NANOG: variants seen among roughly 807,000 people sequenced by gnomAD.
NANOG encodes the protein Nanog homeobox.
NANOG carries 2 observed loss-of-function variants against 17.7 expected under a neutral mutation model. That is an observed-to-expected ratio of 0.11 (90% CI 0.05 to 0.36). The LOEUF (loss-of-function observed/expected upper bound fraction) is 0.36. NANOG is among the 10% of genes least tolerant of loss of function. The pLI, the probability that NANOG is intolerant of heterozygous loss-of-function variation, is 1.00. For missense variants in NANOG, 174 were observed against 362.1 expected (o/e 0.48, Z 4.22); for synonymous variants, 81 against 124.7 (o/e 0.65, Z 2.33).
Position 7,793,149 on chromosome 12 carries a change from G to A in NANOG, c.351G>A (p.Gln117=). The A allele has an allele frequency of 6.2e-7, 1 of 1,612,332 alleles. No homozygotes were observed. The highest frequency in any genetic ancestry group is 8.5e-7 in the Non-Finnish European group (1 of 1,178,640). The part of the protein sequence containing the change: ...LCVLNDRFQR[Q]KYLSLQQMQE... Reference sequence around the variant, plus strand: ...TACTCAATGATAGATTTCAGAGACAGAAATACCTCAGCCTCCAGCAGATGC... The same window carrying A: ...TACTCAATGATAGATTTCAGAGACAAAAATACCTCAGCCTCCAGCAGATGC... The change falls in exon 2 of 4, where the codon CAG becomes CAA. Residue 117 remains glutamine, a synonymous_variant. Transcript: ENST00000229307.
chr12:7,789,889 T>G, intron 1 of NANOG, 124 bp downstream of exon 1: 1 of 1,030,708 alleles, frequency 9.7e-7, no homozygotes, highest in Non-Finnish European at 1.4e-6. Flanking sequence ...AGTGTTATTA[T>G]CAACTAATCC....
chr12:7,790,098 C>T lies in NANOG; in HGVS notation c.151+333C>T, dbSNP rs1334057773. ...AGTTAAATGAAGGTGATGTGTACATCTTCACATAGTGCTGGACACATGTGA... is the reference window on the plus strand; with the variant it reads ...AGTTAAATGAAGGTGATGTGTACATTTTCACATAGTGCTGGACACATGTGA... On this transcript the variant is annotated intron_variant, in intron 1 of 3. Transcript: ENST00000229307. Among the ~76,000 whole-genome samples the T allele has an allele frequency of 4.2e-5, 5 of 120,408 alleles. No homozygotes were observed. In the South Asian group the frequency reaches 1.6e-3, roughly 38 times the overall value. The allele number at this position is 120,408 out of a possible 152,430, so 79.0% of individuals were successfully genotyped here.
rs1238568160 is a variant in NANOG at position 7,797,706 on chromosome 12, C to T, written c.*2611C>T. The T allele has an allele frequency of 1.3e-5, 2 of 152,050 alleles. No individual in the cohort carries two copies. The highest frequency in any genetic ancestry group is 2.9e-5 in the Non-Finnish European group (2 of 68,094). The allele number at this position is 152,050 out of a possible 1,614,324, so 9.4% of individuals were successfully genotyped here. On this transcript the variant is annotated 3_prime_UTR_variant, in exon 4 of 4. Transcript: ENST00000229307. Reference sequence around the variant, plus strand: ...GCTTATTCTGCTGCTCAGACTGGGGCTTAGTGGCACCATTTCACCTCACTG... The same window carrying T: ...GCTTATTCTGCTGCTCAGACTGGGGTTTAGTGGCACCATTTCACCTCACTG...
intron 1 of NANOG, among the ~76,000 whole-genome samples, chr12:7,792,340 G>A (rs970148276): frequency 3.3e-5 from 5 of 152,174 alleles, no homozygotes; most frequent in Admixed American, 1.3e-4. Flanking sequence ...AACACCCAGT[G>A]TGGGAGCTTT....
Position 7,796,288 on chromosome 12 carries a change from A to AAAATAAATAAATAAATAAAT in NANOG, c.*1211_*1212insATAAATAAATAAATAAATAA, listed in dbSNP as rs201963033. Reference sequence around the variant, plus strand: ...CGACAAGAGCAAAACTCCCATCTCAAAAATAAATAAATAAATAAGTAAATA... The same window carrying AAAATAAATAAATAAATAAAT: ...CGACAAGAGCAAAACTCCCATCTCAAAAATAAATAAATAAATAAATAAATAAATAAATAAATAAGTAAATA... On this transcript the variant is annotated 3_prime_UTR_variant, in exon 4 of 4. Coordinates refer to ENST00000229307, the MANE Select transcript of NANOG (RefSeq NM_024865.4). 1.2e-4 allele frequency: 19 copies of AAAATAAATAAATAAATAAAT among 152,188 alleles called. No individual in the cohort carries two copies. The highest frequency in any genetic ancestry group is 3.4e-3 in the Middle Eastern group (1 of 294). 9.4% of individuals were successfully genotyped at this position (152,188 alleles called of 1,614,324 possible). A position where few individuals can be genotyped will look rare whatever the true frequency, so the allele number is the denominator to read the frequency against.
At chr12:7,791,730 C>T (rs1862843342) in intron 1 of NANOG, among the ~76,000 whole-genome samples, 1 of 151,922 alleles carries the variant, frequency 6.6e-6, no homozygotes, top group Non-Finnish European at 1.5e-5. Context: ...AAATGCCAGG[C>T]CCTATGCTAG....
Position 7,789,740 on chromosome 12 carries a change from T to C in NANOG, c.126T>C (p.Ser42=). Reference sequence around the variant, plus strand: ...ACTATCCATCCTTGCAAATGTCTTCTGCTGAGATGCCTCACACGGAGACTG... The same window carrying C: ...ACTATCCATCCTTGCAAATGTCTTCCGCTGAGATGCCTCACACGGAGACTG... ...EENYPSLQMS[S]AEMPHTETVS... The change falls in exon 1 of 4, where the codon TCT becomes TCC. Residue 42 remains serine, a synonymous_variant. Coordinates refer to ENST00000229307, the MANE Select transcript of NANOG (RefSeq NM_024865.4). 1 of 1,614,060 alleles carries C rather than the reference T, an allele frequency of 6.2e-7. No homozygotes were observed. Among genetic ancestry groups the C allele is most frequent in the Non-Finnish European group, 8.5e-7 (1 of 1,180,022 alleles).
At chr12:7,790,233 T>C (rs1862821220) in intron 1 of NANOG, among the ~76,000 whole-genome samples, 1 of 152,236 alleles carries the variant, frequency 6.6e-6, no homozygotes, top group African/African-American at 2.4e-5. Flanking sequence ...ATGAGATTTC[T>C]GTAATACATA....
chr12:7,790,776 CACTT>C (rs1862829172), intron 1 of NANOG, among the ~76,000 whole-genome samples: 1 of 152,112 alleles, frequency 6.6e-6, no homozygotes, highest in African/African-American at 2.4e-5. Context: ...ATCAGGGACT[CACTT>C]TGTCACATAG....
At chr12:7,790,914 A>G (rs987356992) in intron 1 of NANOG, among the ~76,000 whole-genome samples, 1 of 151,894 alleles carries the variant, frequency 6.6e-6, no homozygotes, top group African/African-American at 2.4e-5. Context: ...AGCTAATTAA[A>G]AAATTATTTT....
In NANOG at chr12:7,792,955, C is replaced by T. The variant is rs765490703; in HGVS notation, c.157C>T (p.Pro53Ser). ...CTTTTATTTGTTCCCAACAGTCTCT[C>T]CTCTTCCTTCCTCCATGGATCTGCT... ...AEMPHTETVS[P>S]LPSSMDLLIQ... The change falls in exon 2 of 4, where the codon CCT becomes TCT. Residue 53 changes from proline to serine, a missense_variant. Coordinates refer to ENST00000229307, the MANE Select transcript of NANOG (RefSeq NM_024865.4). 15 of 1,604,732 alleles carry T rather than the reference C, an allele frequency of 9.3e-6. 1 individual carries two copies. Among genetic ancestry groups the T allele is most frequent in the South Asian group, 1.1e-5 (1 of 89,800 alleles).
At position 7,796,833 on chromosome 12, in the gene NANOG, C is replaced by T. The variant is rs11055814; in HGVS notation, c.*1738C>T. 0.67 allele frequency: 100,597 copies of T among 150,962 alleles called. 35,763 individuals carry two copies. Among genetic ancestry groups the T allele is most frequent in the Non-Finnish European group, 0.8 (54,079 of 67,918 alleles). The allele number at this position is 150,962 out of a possible 1,614,324, so 9.4% of individuals were successfully genotyped here. A position where few individuals can be genotyped will look rare whatever the true frequency, so the allele number is the denominator to read the frequency against. On this transcript the variant is annotated 3_prime_UTR_variant, in exon 4 of 4. Transcript: ENST00000229307. The stretch of plus-strand genomic sequence containing the variant: ...AGGCTGGAGTGTAGTGGAGCGATCT[C>T]GGCTCACCGCAACCTCCGCCTCCCG...
intron 1 of NANOG, among the ~76,000 whole-genome samples, chr12:7,791,664 T>G (rs1862842761): frequency 6.6e-6 from 1 of 152,116 alleles, no homozygotes; most frequent in African/African-American, 2.4e-5. Context: ...CGCAGAGCAA[T>G]TAGGTATATA....
chr12:7,791,320 A>C (rs890299899), intron 1 of NANOG, among the ~76,000 whole-genome samples: 1 of 151,544 alleles, frequency 6.6e-6, no homozygotes, highest in Admixed American at 6.6e-5. Flanking sequence ...TGTGTTGGCC[A>C]GGCTGGTCTC....
rs1300547266 is a variant in NANOG at position 7,798,709 on chromosome 12, G to A, written c.*3614G>A. ...TTTCAAGCTCAGTTCTCGGGGTGAAGGACAAGGTTAATTCTACTCTGAGTA... is the reference window on the plus strand; with the variant it reads ...TTTCAAGCTCAGTTCTCGGGGTGAAAGACAAGGTTAATTCTACTCTGAGTA... On this transcript the variant is annotated 3_prime_UTR_variant, in exon 4 of 4. Transcript: ENST00000229307. 3 of 53,008 alleles carry A rather than the reference G, an allele frequency of 5.7e-5. No homozygotes were observed. Among genetic ancestry groups the A allele is most frequent in the African/African-American group, 2.4e-4 (3 of 12,576 alleles). The allele number at this position is 53,008 out of a possible 1,614,324, so 3.3% of individuals were successfully genotyped here. A position where few individuals can be genotyped will look rare whatever the true frequency, so the allele number is the denominator to read the frequency against.
At position 7,796,321 on chromosome 12, in the gene NANOG, A is replaced by G. The variant is rs1179039570; in HGVS notation, c.*1226A>G. On this transcript the variant is annotated 3_prime_UTR_variant, in exon 4 of 4. Transcript: ENST00000229307. The stretch of plus-strand genomic sequence containing the variant: ...TAAATAAATAAGTAAATAAATGAAT[A>G]ATAAATAAATATGCCAGTTTTAGAA... 4.1e-5 allele frequency: 6 copies of G among 146,278 alleles called. No homozygotes were observed. The highest frequency in any genetic ancestry group is 7.9e-5 in the African/African-American group (3 of 38,024). 9.1% of individuals were successfully genotyped at this position (146,278 alleles called of 1,614,324 possible).
At position 7,793,128 on chromosome 12, in the gene NANOG, C is replaced by T. The variant is rs1565476969; in HGVS notation, c.330C>T (p.Leu110=). The part of the protein sequence containing the change: ...TVFSSTQLCV[L]NDRFQRQKYL... The stretch of plus-strand genomic sequence containing the variant: ...TCTCTTCCACCCAGCTGTGTGTACT[C>T]AATGATAGATTTCAGAGACAGAAAT... The change falls in exon 2 of 4, where the codon CTC becomes CTT. Residue 110 remains leucine (L), a synonymous_variant. Transcript: ENST00000229307. The T allele has an allele frequency of 3.1e-6, 5 of 1,608,086 alleles. No individual in the cohort carries two copies. Among genetic ancestry groups the T allele is most frequent in the South Asian group, 1.1e-5 (1 of 90,844 alleles).
rs7960067 is a variant in NANOG at position 7,796,788 on chromosome 12, G to C, written c.*1693G>C. On this transcript the variant is annotated 3_prime_UTR_variant, in exon 4 of 4. Coordinates refer to ENST00000229307, the MANE Select transcript of NANOG (RefSeq NM_024865.4). The stretch of plus-strand genomic sequence containing the variant: ...TTTTATTTTGTTTTTTTTTAAGACT[G>C]GAGTCTTACTCTGTTGCCCAGGCTG... 0.67 allele frequency: 100,201 copies of C among 150,618 alleles called. 35,664 individuals are homozygous for C. Among genetic ancestry groups the C allele is most frequent in the Non-Finnish European group, 0.8 (53,997 of 67,816 alleles). 9.3% of individuals were successfully genotyped at this position (150,618 alleles called of 1,614,324 possible). A position where few individuals can be genotyped will look rare whatever the true frequency, so the allele number is the denominator to read the frequency against.
chr12:7,793,244 A>G, intron 2 of NANOG, 32 bp downstream of exon 2: 1 of 1,609,414 alleles, frequency 6.2e-7, no homozygotes, highest in Non-Finnish European at 8.5e-7. Flanking sequence ...AATAAGGTGA[A>G]CAAAAATTGG....
Sources: gnomAD v4.1 joint callset for allele counts (sites outside exome capture counted in the v4.1 genomes callset) on GRCh38, gnomAD v4.1.1 for gene constraint, MANE v1.5 for transcripts, NCBI Gene and HGNC (gene_info 2026-07-23, HGNC 2026-07-21) for gene names.